The following NID1 variants were observed in gnomAD, a reference collection of about 807,000 sequenced individuals.
NID1 encodes nidogen-1.
In NID1, 76 loss-of-function variants were observed where a neutral mutation model predicts 130.6. The ratio of observed to expected loss-of-function variants is 0.58; its 90% confidence interval spans 0.48 to 0.70. The LOEUF (loss-of-function observed/expected upper bound fraction) is 0.70. Among genes scored for constraint, NID1 ranks in the 30% least tolerant of loss-of-function variants. The pLI, the probability that NID1 is intolerant of heterozygous loss-of-function variation, is 0.00. For synonymous variants in NID1, 665 were observed against 675.1 expected, an observed-to-expected ratio of 0.98 and a Z score of 0.23; for missense variants, 1,517 against 1,664.8, an observed-to-expected ratio of 0.91 and a Z score of 1.54.
At position 235,988,279 on chromosome 1, in the gene NID1, C is replaced by T. The variant is rs529817941; in HGVS notation, c.2928+2607G>A. On this transcript the variant is annotated intron_variant, in intron 14 of 19. Transcript: ENST00000264187. ...AAGATATACAAGCGGCCAATAAGTA[C>T]GTGAAAAGATGTTCAGTGTCATAAA... 6.6e-5 allele frequency among the ~76,000 whole-genome samples: 10 copies of T among 152,128 alleles called. 1 individual carries two copies. The highest frequency in any genetic ancestry group is 3.3e-4 in the Admixed American group (5 of 15,270).
At chr1:236,040,893 G>A (rs547471440) in intron 4 of NID1, among the ~76,000 whole-genome samples, 18 of 152,202 alleles carry the variant, frequency 1.2e-4, no homozygotes, top group Admixed American at 3.9e-4. Flanking sequence ...TCCAACTCCT[G>A]ACCTCAGGTG....
chr1:236,012,174 A>T (rs897095060), intron 11 of NID1, 131 bp from the exon 12 acceptor site: 1 of 1,071,410 alleles, frequency 9.3e-7, no homozygotes, highest in East Asian at 2.6e-5. Flanking sequence ...TCCAAAACTC[A>T]CTAAACATTA....
intron 1 of NID1, among the ~76,000 whole-genome samples, chr1:236,055,716 G>C (rs755300611): frequency 6.6e-6 from 1 of 151,964 alleles, no homozygotes; most frequent in African/African-American, 2.4e-5. Flanking sequence ...GTTCAGCAAA[G>C]AAAGGCAAAT....
At chr1:236,045,409 T>C in intron 3 of NID1, 48 bp downstream of exon 3, 2 of 1,335,832 alleles carry the variant, frequency 1.5e-6, no homozygotes, top group Middle Eastern at 1.8e-4. Flanking sequence ...ATTATCCACA[T>C]TAAAAAATAT....
At chr1:236,029,428 G>GTAGAT in intron 7 of NID1, 122 bp downstream of exon 7, 14 of 900,784 alleles carry the variant, frequency 1.6e-5, no homozygotes, top group Admixed American at 8.9e-5. Context: ...TGACTGTAAG[G>GTAGAT]CCCGGTGTAT....
intron 15 of NID1, among the ~76,000 whole-genome samples, chr1:235,984,267 G>A (rs1033906467): frequency 1.3e-5 from 2 of 152,136 alleles, no homozygotes; most frequent in African/African-American, 4.8e-5. Flanking sequence ...CTAAACCAAA[G>A]CATGAAAACT....
chr1:236,038,386 T>C, intron 4 of NID1, 133 bp from the exon 5 acceptor site: 1 of 832,396 alleles, frequency 1.2e-6, no homozygotes, highest in Non-Finnish European at 1.7e-6. Context: ...CCAGGCTCAC[T>C]ACAGAAGATT....
At chr1:236,014,210 C>CT (rs1442808270) in intron 10 of NID1, among the ~76,000 whole-genome samples, 1 of 134,062 alleles carries the variant, frequency 7.5e-6, no homozygotes, top group Non-Finnish European at 1.7e-5. Flanking sequence ...TTCTTCCCCC[C>CT]ACCCCCTCAA....
chr1:236,038,851 TGTTATATAGGTC>T (rs1452101695), intron 4 of NID1, among the ~76,000 whole-genome samples: 12 of 135,034 alleles, frequency 8.9e-5, no homozygotes, highest in Admixed American at 2.3e-4. Context: ...ATATTACCTA[TGTTATATAGGTC>T]ATATATAATA....
chr1:235,985,438 T>A lies in NID1; in HGVS notation c.2996A>T (p.Glu999Val), dbSNP rs144152837. 3 of 1,613,944 alleles carry A rather than the reference T, an allele frequency of 1.9e-6. No individual in the cohort carries two copies. ...TAGACTAGCTCTCCCAATGGAAGGC[T>A]CAGTGATGTCCGTCCAGTAAACCAT... ...DKMVYWTDITEPSIGRASLHG... is the reference protein window; with the variant it reads ...DKMVYWTDITVPSIGRASLHG... Residue 999 changes from glutamate (E) to valine (V), a missense_variant, in exon 15 of 20, where the codon GAG becomes GTG. Coordinates refer to ENST00000264187, the MANE Select transcript of NID1 (RefSeq NM_002508.3).
In NID1 at chr1:236,048,737, C is replaced by A; in HGVS notation, c.478G>T (p.Val160Leu). 1 of 1,612,698 alleles carries A rather than the reference C, an allele frequency of 6.2e-7. No individual in the cohort carries two copies. Among genetic ancestry groups the A allele is most frequent in the Non-Finnish European group, 8.5e-7 (1 of 1,180,012 alleles). Residue 160 changes from valine to leucine, a missense_variant, in exon 2 of 20, where the codon GTG becomes TTG. By Grantham distance (32) the Val-to-Leu change is conservative. Around this residue, in one of 3 missense-constraint regions of NID1, gnomAD observed 1,329 missense variants for 1,429.2 expected, o/e 0.93. Transcript: ENST00000264187. The stretch of plus-strand genomic sequence containing the variant: ...CTGCTGGGCCCTTGGTAGGGGGCCA[C>A]GGATTCCCAAGTGACAACCACCGCG... ...SSAVVVTWES[V>L]APYQGPSRDP... is the part of the protein sequence containing the mutation.
chr1:236,021,456 T>G (rs1296956189), intron 9 of NID1, among the ~76,000 whole-genome samples: 1 of 152,198 alleles, frequency 6.6e-6, no homozygotes, highest in Non-Finnish European at 1.5e-5. Context: ...GACAGGCACC[T>G]TGCATGAAAG....
rs1212994052 is a variant in NID1, at chr1:236,032,395, A to C, written c.1537+6T>G. On this transcript the variant is annotated splice_donor_region_variant and intron_variant, in intron 6 of 19. Coordinates refer to ENST00000264187, the MANE Select transcript of NID1 (RefSeq NM_002508.3). ...CCCACTAATTTTAATGTCGGATATA[A>C]ATTACCGGTGATGCTGAACCCATTC... 3.1e-6 allele frequency: 5 copies of C among 1,613,200 alleles called. No homozygotes were observed. In the South Asian group the frequency reaches 3.3e-5, roughly 11 times the overall value.
At chr1:235,996,847 T>C (rs903343159) in intron 12 of NID1, among the ~76,000 whole-genome samples, 1 of 152,070 alleles carries the variant, frequency 6.6e-6, no homozygotes, top group Admixed American at 6.5e-5. Flanking sequence ...TGTGCTTTTT[T>C]TTCTGAGATG....
At chr1:235,998,536 G>A (rs1375916672) in intron 12 of NID1, among the ~76,000 whole-genome samples, 2 of 152,110 alleles carry the variant, frequency 1.3e-5, no homozygotes, top group South Asian at 2.1e-4. Context: ...CTAGCTGGGT[G>A]TGGTGGCGGG....
intron 14 of NID1, among the ~76,000 whole-genome samples, chr1:235,988,554 G>A (rs1657635032): frequency 6.6e-6 from 1 of 152,164 alleles, no homozygotes; most frequent in Non-Finnish European, 1.5e-5. Context: ...AGTTAAAGCA[G>A]GGACTCGAAC....
At chr1:235,978,136 G>C in intron 19 of NID1, 148 bp from the exon 20 acceptor site, 1 of 874,366 alleles carries the variant, frequency 1.1e-6, no homozygotes, top group Non-Finnish European at 1.7e-6. Flanking sequence ...GGGACACTGT[G>C]CTAGGCAGTC....
chr1:235,989,605 C>T, intron 14 of NID1, among the ~76,000 whole-genome samples: 1 of 152,166 alleles, frequency 6.6e-6, no homozygotes, highest in East Asian at 1.9e-4. Flanking sequence ...TAGGAAGATA[C>T]ATGTCAGATA....
rs760623411 is a variant in NID1, at chr1:235,979,967, C to T, written c.3386-22G>A. 1.2e-6 allele frequency: 2 copies of T among 1,612,330 alleles called. No homozygotes were observed. Among genetic ancestry groups the T allele is most frequent in the East Asian group, 4.5e-5 (2 of 44,714 alleles). On this transcript the variant is annotated intron_variant, in intron 17 of 19. Coordinates refer to ENST00000264187, the MANE Select transcript of NID1 (RefSeq NM_002508.3). The surrounding 1 kb of genome is among the most constrained non-coding windows in gnomAD (Gnocchi z 4.6). The stretch of plus-strand genomic sequence containing the variant: ...GTGCCTGTGTGGAGTGGAAACAATT[C>T]ATTCATTGTTCACACAAGAAATGGC...
Sources: allele counts gnomAD v4.1 joint callset (sites outside exome capture counted in the v4.1 genomes callset), GRCh38; gene constraint gnomAD v4.1.1; regional missense constraint gnomAD v4.1.1; non-coding constraint Gnocchi (gnomAD v3.1); transcripts MANE v1.5; gene names NCBI Gene and HGNC (gene_info 2026-07-23, HGNC 2026-07-21).